The following ROBO1 variants were observed in gnomAD, a reference collection of about 807,000 sequenced individuals.
ROBO1 encodes the protein roundabout guidance receptor 1.
In ROBO1, 149 loss-of-function variants were observed where a neutral mutation model predicts 195.9. That is an observed-to-expected ratio of 0.76 (90% CI 0.67 to 0.87). The LOEUF is 0.87. ROBO1 is among the 40% of genes least tolerant of loss of function. The pLI is 0.00. For synonymous variants in ROBO1, 816 were observed against 733.2 expected (o/e 1.11, Z -1.82); for missense variants, 1,933 against 2,068.3 (o/e 0.93, Z 1.27).
intron 2 of ROBO1, among the ~76,000 whole-genome samples, chr3:79,129,094 A>C (rs1180317808): frequency 2.0e-5 from 3 of 152,164 alleles, no homozygotes; most frequent in Admixed American, 6.6e-5. Flanking sequence ...TCCATTGGTG[A>C]TTCAACTTCA....
Position 78,659,698 on chromosome 3 carries a change from GAC to G in ROBO1, c.2428_2429del (p.Val810ProfsTer4). 1 of 1,549,676 alleles carries G rather than the reference GAC, an allele frequency of 6.5e-7. No individual in the cohort carries two copies. The highest frequency in any genetic ancestry group is 8.7e-7 in the Non-Finnish European group (1 of 1,144,752). ...ATTATACTCATACCTTATACTCTTGGACCATTCCATTTTGAGTGTCTTCTGGA... is the reference window on the plus strand; with the variant it reads ...ATTATACTCATACCTTATACTCTTGGCATTCCATTTTGAGTGTCTTCTGGA... ...PPPEDTQNGM[V>X]QEYKVWCLGN... On this transcript the variant is annotated frameshift_variant, in exon 17 of 31. Coordinates refer to ENST00000464233, the MANE Select transcript of ROBO1 (RefSeq NM_002941.4). LOFTEE classifies it high-confidence loss of function.
chr3:78,970,707 T>C (rs2076745310), intron 3 of ROBO1, among the ~76,000 whole-genome samples: 1 of 152,166 alleles, frequency 6.6e-6, no homozygotes, highest in African/African-American at 2.4e-5. Context: ...AAGGAAATCA[T>C]CTTCCAGAAC....
At chr3:79,717,215 T>TC (rs1482327040) in intron 1 of ROBO1, among the ~76,000 whole-genome samples, 1 of 151,856 alleles carries the variant, frequency 6.6e-6, no homozygotes, top group African/African-American at 2.4e-5. Flanking sequence ...AAGCTTTTGT[T>TC]TTTCTGAATT....
chr3:79,359,085 A>G (rs1438996730), intron 2 of ROBO1, among the ~76,000 whole-genome samples: 1 of 152,038 alleles, frequency 6.6e-6, no homozygotes, highest in Non-Finnish European at 1.5e-5. Flanking sequence ...CTCTTTATTT[A>G]TCTATGTGGG....
intron 2 of ROBO1, among the ~76,000 whole-genome samples, chr3:79,414,221 CCTCTTT>C (rs141124713): frequency 0.042 from 6,270 of 150,888 alleles, 248 homozygotes; most frequent in African/African-American, 0.1. Flanking sequence ...CTCTCTCCCT[CCTCTTT>C]CTCTTTCTCT....
rs548556835 is a variant in ROBO1 at position 78,924,250 on chromosome 3, A to C, written c.499+14351T>G. On this transcript the variant is annotated intron_variant, in intron 4 of 30. Transcript: ENST00000464233. ...CATCTAAACTTGAAGCTGCAAAATA[A>C]TTTCAAATTAAATATTAATCAAACG... 4.6e-5 allele frequency among the ~76,000 whole-genome samples: 7 copies of C among 152,230 alleles called. No homozygotes were observed. In the South Asian group the frequency reaches 1.5e-3, roughly 32 times the overall value.
chr3:79,060,784 T>C (rs2108401295), intron 3 of ROBO1, among the ~76,000 whole-genome samples: 1 of 152,232 alleles, frequency 6.6e-6, no homozygotes, highest in East Asian at 1.9e-4. Flanking sequence ...AAAAGTCTTT[T>C]GACAAAATTC....
At chr3:79,436,307 C>A (rs2038886705) in intron 2 of ROBO1, among the ~76,000 whole-genome samples, 1 of 151,606 alleles carries the variant, frequency 6.6e-6, no homozygotes, top group African/African-American at 2.4e-5. Flanking sequence ...TGGACAAAAC[C>A]TTTTATTTTT....
intron 1 of ROBO1, among the ~76,000 whole-genome samples, chr3:79,599,052 TG>T: frequency 6.6e-6 from 1 of 152,068 alleles, no homozygotes; most frequent in East Asian, 1.9e-4. Flanking sequence ...TACTCAGGGC[TG>T]GGAGACATAT....
At chr3:78,891,407 G>C (rs1455815860) in intron 4 of ROBO1, among the ~76,000 whole-genome samples, 4 of 152,130 alleles carry the variant, frequency 2.6e-5, no homozygotes, top group African/African-American at 9.7e-5. Context: ...ACCACGGTGA[G>C]AGATATCTCA....
chr3:79,313,681 C>T (rs1432133855), intron 2 of ROBO1, among the ~76,000 whole-genome samples: 1 of 152,164 alleles, frequency 6.6e-6, no homozygotes, highest in Non-Finnish European at 1.5e-5. Flanking sequence ...ACAATCCTCT[C>T]CCTTAGCCCT....
intron 3 of ROBO1, among the ~76,000 whole-genome samples, chr3:78,951,558 T>C (rs1218317089): frequency 6.6e-6 from 1 of 152,012 alleles, no homozygotes; most frequent in East Asian, 1.9e-4. Context: ...CGTGAGGCTT[T>C]TACAAAGGAA....
intron 5 of ROBO1, among the ~76,000 whole-genome samples, chr3:78,728,400 T>A (rs890759823): frequency 2.0e-5 from 3 of 151,956 alleles, no homozygotes; most frequent in Non-Finnish European, 2.9e-5. Context: ...TGGATGAAAC[T>A]AAGGAAAACA....
Position 79,075,111 on chromosome 3 carries a change from C to CT in ROBO1, c.172+50344dup, listed in dbSNP as rs570648608. ...AGGTTGCCATGATTCCTCATCATGGCTTTTTTTTAAGGGATTTTTATAAGA... is the reference window on the plus strand; with the variant it reads ...AGGTTGCCATGATTCCTCATCATGGCTTTTTTTTTAAGGGATTTTTATAAGA... On this transcript the variant is annotated intron_variant, in intron 3 of 30. Transcript: ENST00000464233. 4.0e-3 allele frequency among the ~76,000 whole-genome samples: 608 copies of CT among 151,492 alleles called. 8 individuals are homozygous for CT. The highest frequency in any genetic ancestry group is 0.013 in the African/African-American group (517 of 41,332).
intron 1 of ROBO1, among the ~76,000 whole-genome samples, chr3:79,639,352 A>T (rs1945589603): frequency 2.0e-5 from 3 of 152,206 alleles, no homozygotes; most frequent in Admixed American, 2.0e-4. Flanking sequence ...AGCAAACACA[A>T]CTATTCATTT....
intron 2 of ROBO1, among the ~76,000 whole-genome samples, chr3:79,412,444 T>C (rs544474991): frequency 1.6e-4 from 24 of 152,292 alleles, no homozygotes; most frequent in Non-Finnish European, 3.2e-4. Flanking sequence ...GCACAGATTA[T>C]AGTACTTGAC....
intron 19 of ROBO1, among the ~76,000 whole-genome samples, chr3:78,648,304 T>A (rs1706428565): frequency 6.6e-6 from 1 of 152,132 alleles, no homozygotes; most frequent in South Asian, 2.1e-4. Context: ...ACATTTTTTA[T>A]CATCATAAAA....
intron 2 of ROBO1, among the ~76,000 whole-genome samples, chr3:79,496,677 G>A (rs1575916882): frequency 6.6e-6 from 1 of 150,480 alleles, no homozygotes; most frequent in African/African-American, 2.4e-5. Flanking sequence ...GTGAGCCACC[G>A]CGCCCGGCCG....
Position 78,688,830 on chromosome 3 carries a change from G to A in ROBO1, c.1046-58C>T, listed in dbSNP as rs536032456. On this transcript the variant is annotated intron_variant, in intron 8 of 30. Transcript: ENST00000464233. Reference sequence around the variant, plus strand: ...AAAGCACGTTGTTATTGTCCTAATTGAGACAATCTCTTATATTCTAAGTGC... The same window carrying A: ...AAAGCACGTTGTTATTGTCCTAATTAAGACAATCTCTTATATTCTAAGTGC... 279 of 1,515,406 alleles carry A rather than the reference G, an allele frequency of 1.8e-4. 1 individual carries two copies. The African/African-American group carries it at 3.4e-3, about 19-fold the overall frequency. The allele number at this position is 1,515,406 out of a possible 1,614,324, so 93.9% of individuals were successfully genotyped here.
Sources: allele counts gnomAD v4.1 joint callset (sites outside exome capture counted in the v4.1 genomes callset), GRCh38; gene constraint gnomAD v4.1.1; transcripts MANE v1.5; gene names NCBI Gene and HGNC (gene_info 2026-07-23, HGNC 2026-07-21).